COL5A1: variants seen among roughly 807,000 people sequenced by gnomAD.
COL5A1 encodes the protein collagen alpha-1(V) chain.
In COL5A1, 16 loss-of-function variants were observed where a neutral mutation model predicts 263.7. That is an observed-to-expected ratio of 0.06 (90% confidence interval 0.04 to 0.09). The LOEUF (loss-of-function observed/expected upper bound fraction) is 0.09, where lower values mean the gene tolerates loss of function less well. COL5A1 is among the 10% of genes least tolerant of loss of function. The pLI, the probability that COL5A1 is intolerant of heterozygous loss-of-function variation, is 1.00. For missense variants in COL5A1, 2,036 were observed against 2,540.5 expected (o/e 0.80, Z 4.27); for synonymous variants, 1,012 against 1,004.5 (o/e 1.01, Z -0.14).
At chr9:134,654,444 T>C (rs1831842010) in intron 1 of COL5A1, among the ~76,000 whole-genome samples, 1 of 102,978 alleles carries the variant, frequency 9.7e-6, no homozygotes, top group African/African-American at 3.8e-5. Context: ...TGGAGGTGTG[T>C]AGGGCTGGTG....
intron 9 of COL5A1, among the ~76,000 whole-genome samples, chr9:134,735,997 G>GC (rs1356735016): frequency 1.3e-5 from 2 of 149,116 alleles, no homozygotes; most frequent in Non-Finnish European, 1.5e-5. Context: ...GACATCTGCG[G>GC]CCCCCCCAGC....
intron 1 of COL5A1, among the ~76,000 whole-genome samples, chr9:134,656,202 C>T (rs1831965649): frequency 6.6e-6 from 1 of 152,122 alleles, no homozygotes; most frequent in African/African-American, 2.4e-5. Context: ...TCGTCCTGCC[C>T]GCCCAGTGCA....
intron 4 of COL5A1, among the ~76,000 whole-genome samples, chr9:134,702,077 C>T (rs1422325991): frequency 6.6e-6 from 1 of 152,176 alleles, no homozygotes; most frequent in Non-Finnish European, 1.5e-5. Context: ...GGCCCTGCCT[C>T]CTGGGGTGCT....
At chr9:134,807,870 TCA>T (rs1838353046) in intron 42 of COL5A1, among the ~76,000 whole-genome samples, 1 of 152,162 alleles carries the variant, frequency 6.6e-6, no homozygotes, top group African/African-American at 2.4e-5. Context: ...ATGGCTTGGT[TCA>T]CAGTTTCAAG....
chr9:134,760,357 A>C (rs1256622881), intron 18 of COL5A1, among the ~76,000 whole-genome samples: 1 of 64,526 alleles, frequency 1.5e-5, no homozygotes, highest in Non-Finnish European at 2.6e-5. Flanking sequence ...ACACACCCCC[A>C]CACATACACA....
chr9:134,814,752 G>C, intron 49 of COL5A1, 45 bp from the exon 50 acceptor site: 5 of 1,450,926 alleles, frequency 3.4e-6, no homozygotes, highest in Non-Finnish European at 4.7e-6. Flanking sequence ...TCTGGGCGGC[G>C]ACGTGGTTGG....
chr9:134,749,429 A>G (rs925094871), intron 11 of COL5A1, among the ~76,000 whole-genome samples: 1 of 152,226 alleles, frequency 6.6e-6, no homozygotes, highest in African/African-American at 2.4e-5. Flanking sequence ...ATTTCACAAG[A>G]AATGGAGTTA....
intron 27 of COL5A1, among the ~76,000 whole-genome samples, chr9:134,777,551 C>T (rs890628466): frequency 3.3e-5 from 5 of 152,236 alleles, no homozygotes; most frequent in Admixed American, 1.3e-4. Flanking sequence ...AACGGTAGAA[C>T]TGTAGGACCG....
At chr9:134,775,030 G>A in intron 27 of COL5A1, 118 bp downstream of exon 27, 1 of 944,244 alleles carries the variant, frequency 1.1e-6, no homozygotes. Context: ...ATTCAGTCTG[G>A]AGTAGCCCAG....
At position 134,713,002 on chromosome 9, in the gene COL5A1, C is replaced by T. The variant is rs572661140; in HGVS notation, c.654+11669C>T. Among the ~76,000 whole-genome samples, 31 of 152,334 alleles carry T rather than the reference C, an allele frequency of 2.0e-4. No individual in the cohort carries two copies. In the South Asian group the frequency reaches 5.6e-3, roughly 28 times the overall value. ...GGAGCCCTGGACTCTCCAAACCAGG[C>T]GTGATTCCCGCTGTGCTCCACGGCC... On this transcript the variant is annotated intron_variant, in intron 4 of 65. Transcript: ENST00000371817.
At chr9:134,724,486 C>T (rs1251607205) in intron 4 of COL5A1, among the ~76,000 whole-genome samples, 3 of 152,208 alleles carry the variant, frequency 2.0e-5, no homozygotes, top group African/African-American at 7.2e-5. Flanking sequence ...TTCCCTCCGC[C>T]CCGCCCGTGT....
chr9:134,786,149 G>A, intron 31 of COL5A1, 101 bp downstream of exon 31: 1 of 1,123,270 alleles, frequency 8.9e-7, no homozygotes, highest in Non-Finnish European at 1.3e-6. Context: ...CGGCACAGGT[G>A]GAAGGATGTT....
Position 134,843,776 on chromosome 9 carries a change from A to G in COL5A1, c.*1473A>G, listed in dbSNP as rs1830169287. On this transcript the variant is annotated 3_prime_UTR_variant, in exon 66 of 66. Coordinates refer to ENST00000371817, the MANE Select transcript of COL5A1 (RefSeq NM_000093.5). ...GTCATGCCATGCGCTGCCTCGGTAGATGGAGTAATGTACAATGAACTCCAT... is the reference window on the plus strand; with the variant it reads ...GTCATGCCATGCGCTGCCTCGGTAGGTGGAGTAATGTACAATGAACTCCAT... 1 of 152,694 alleles carries G rather than the reference A, an allele frequency of 6.5e-6. No individual in the cohort carries two copies. Among genetic ancestry groups the G allele is most frequent in the African/African-American group, 2.4e-5 (1 of 41,464 alleles). The allele number at this position is 152,694 out of a possible 1,614,324, so 9.5% of individuals were successfully genotyped here.
chr9:134,686,206 A>G lies in COL5A1; in HGVS notation c.110-4706A>G, dbSNP rs989265754. ...GCAGAACTCAAACTTTCATTTCCAA[A>G]TTATTCTCCTTCTTCCTTCCTCCTT... is the stretch of plus-strand genomic sequence containing the variant. On this transcript the variant is annotated intron_variant, in intron 1 of 65. Transcript: ENST00000371817. This position sits in a 1 kb window ranked among gnomAD's most constrained non-coding sequence, Gnocchi z 4.6. 5.9e-5 allele frequency among the ~76,000 whole-genome samples: 9 copies of G among 152,030 alleles called. No individual in the cohort carries two copies. The highest frequency in any genetic ancestry group is 1.0e-4 in the Non-Finnish European group (7 of 68,022).
At chr9:134,793,252 A>G (rs1339801402) in intron 32 of COL5A1, among the ~76,000 whole-genome samples, 1 of 151,966 alleles carries the variant, frequency 6.6e-6, no homozygotes, top group Admixed American at 6.5e-5. Context: ...TGACTTCCCC[A>G]GTAGAAGGTC....
intron 59 of COL5A1, among the ~76,000 whole-genome samples, chr9:134,822,386 G>T (rs1044575744): frequency 6.6e-6 from 1 of 152,186 alleles, no homozygotes; most frequent in African/African-American, 2.4e-5. Flanking sequence ...AGGAAACGGT[G>T]GCCATTTCAG....
intron 36 of COL5A1, 96 bp downstream of exon 36, chr9:134,796,997 C>G: frequency 4.0e-6 from 5 of 1,262,728 alleles, no homozygotes; most frequent in Non-Finnish European, 5.8e-6. Flanking sequence ...GAGGTCTGCT[C>G]GGAGCTCCTC....
chr9:134,780,505 C>G (rs2132760977), intron 28 of COL5A1, among the ~76,000 whole-genome samples: 1 of 152,034 alleles, frequency 6.6e-6, no homozygotes, highest in South Asian at 2.1e-4. Flanking sequence ...GGTGGGCCGC[C>G]TTGCATGGCC....
intron 16 of COL5A1, 115 bp from the exon 17 acceptor site, chr9:134,756,650 G>A: frequency 8.6e-7 from 1 of 1,157,896 alleles, no homozygotes; most frequent in Non-Finnish European, 1.3e-6. Flanking sequence ...TGTGACCTTG[G>A]GGGTGGGCGC....
Sources: allele counts gnomAD v4.1 joint callset (sites outside exome capture counted in the v4.1 genomes callset), GRCh38; gene constraint gnomAD v4.1.1; non-coding constraint Gnocchi (gnomAD v3.1); transcripts MANE v1.5; gene names NCBI Gene and HGNC (gene_info 2026-07-23, HGNC 2026-07-21).